Variants in SSH2 observed in about 807,000 individuals in gnomAD.
SSH2 encodes protein phosphatase Slingshot homolog 2.
Under a neutral mutation model 135.2 loss-of-function variants are expected in SSH2, and 37 were observed. The observed-to-expected ratio is 0.27, with a 90% CI of 0.21 to 0.36. The LOEUF is 0.36. Ranked by LOEUF, SSH2 falls within the 10% of genes least tolerant of loss-of-function variation. The probability of loss-of-function intolerance (pLI) is 1.00; values close to 1 mark genes in which losing one functional copy is unlikely to be tolerated. For synonymous variants in SSH2, 628 were observed against 646.2 expected (o/e 0.97, Z 0.43); for missense variants, 1,408 against 1,765.3 (o/e 0.80, Z 3.63).
chr17:29,928,812 A>AT (rs932317179), intron 1 of SSH2, among the ~76,000 whole-genome samples: 3 of 150,848 alleles, frequency 2.0e-5, no homozygotes, highest in South Asian at 2.1e-4. Flanking sequence ...TAACCTGATG[A>AT]TTTTTTTACA....
At chr17:29,913,955 A>G (rs921807869) in intron 1 of SSH2, among the ~76,000 whole-genome samples, 6 of 152,118 alleles carry the variant, frequency 3.9e-5, no homozygotes, top group African/African-American at 1.4e-4. Context: ...TTTCTTACAT[A>G]GAAGTGGCAA....
At chr17:29,725,738 G>A (rs533524846) in intron 3 of SSH2, among the ~76,000 whole-genome samples, 23 of 152,280 alleles carry the variant, frequency 1.5e-4, no homozygotes, top group African/African-American at 5.1e-4. Flanking sequence ...TCACACACTG[G>A]GGCCTGTCGG....
chr17:29,699,655 C>T (rs1888582492), intron 4 of SSH2, among the ~76,000 whole-genome samples: 1 of 152,156 alleles, frequency 6.6e-6, no homozygotes, highest in South Asian at 2.1e-4. Context: ...CTTTAAAAGC[C>T]ACTGACCCCA....
chr17:29,789,166 C>T (rs1166831416), intron 3 of SSH2, among the ~76,000 whole-genome samples: 1 of 152,202 alleles, frequency 6.6e-6, no homozygotes, highest in Non-Finnish European at 1.5e-5. Flanking sequence ...AGTGGTTTGG[C>T]TCCTTCTGGC....
At chr17:29,737,256 A>T (rs2040404309) in intron 3 of SSH2, among the ~76,000 whole-genome samples, 1 of 152,118 alleles carries the variant, frequency 6.6e-6, no homozygotes, top group African/African-American at 2.4e-5. Context: ...TAAAATGTCT[A>T]CACTTCCGTT....
intron 6 of SSH2, among the ~76,000 whole-genome samples, chr17:29,680,353 T>C (rs1598785354): frequency 1.3e-5 from 2 of 151,508 alleles, no homozygotes; most frequent in East Asian, 3.9e-4. Flanking sequence ...AAGACCAGCC[T>C]GGCCAACATG....
chr17:29,742,943 A>G (rs1284381464), intron 3 of SSH2, among the ~76,000 whole-genome samples: 2 of 144,418 alleles, frequency 1.4e-5, no homozygotes, highest in Non-Finnish European at 3.0e-5. Context: ...CCTTCTTTTG[A>G]TTTTTTGAGA....
At chr17:29,807,666 T>C (rs1246921658) in intron 2 of SSH2, among the ~76,000 whole-genome samples, 1 of 152,116 alleles carries the variant, frequency 6.6e-6, no homozygotes, top group Non-Finnish European at 1.5e-5. Context: ...ATTTGACATC[T>C]TGGAGTGGCA....
intron 1 of SSH2, among the ~76,000 whole-genome samples, chr17:29,869,842 A>T (rs1460677484): frequency 1.3e-5 from 2 of 152,180 alleles, no homozygotes; most frequent in East Asian, 1.9e-4. Context: ...GTGCAGGCCC[A>T]GTTGAAATCA....
chr17:29,881,111 T>A (rs1006272724), intron 1 of SSH2, among the ~76,000 whole-genome samples: 1 of 152,246 alleles, frequency 6.6e-6, no homozygotes, highest in Non-Finnish European at 1.5e-5. Flanking sequence ...GTGCTCCTTA[T>A]ATATTCTAAA....
chr17:29,895,690 C>T (rs35921426), intron 1 of SSH2, among the ~76,000 whole-genome samples: 4 of 118,154 alleles, frequency 3.4e-5, no homozygotes, highest in Non-Finnish European at 3.3e-5. Flanking sequence ...ATTTTATATA[C>T]ACATTTTATA....
At chr17:29,710,413 T>G (rs2039391948) in intron 3 of SSH2, among the ~76,000 whole-genome samples, 1 of 152,200 alleles carries the variant, frequency 6.6e-6, no homozygotes, top group East Asian at 1.9e-4. Flanking sequence ...ACAAAGTGAG[T>G]TGGTTGGTAT....
chr17:29,768,289 A>AT (rs545565554), intron 3 of SSH2, among the ~76,000 whole-genome samples: 2,343 of 139,816 alleles, frequency 0.017, 38 homozygotes, highest in African/African-American at 0.037. Context: ...ATAAATGTAA[A>AT]TTTTTTTTTT....
chr17:29,902,512 C>T (rs2066575697), intron 1 of SSH2, among the ~76,000 whole-genome samples: 1 of 151,826 alleles, frequency 6.6e-6, no homozygotes, highest in African/African-American at 2.4e-5. Flanking sequence ...CCCTACCTAT[C>T]ATCTACTTTC....
In SSH2 at chr17:29,856,315, T is replaced by C. The variant is rs2065661667; in HGVS notation, c.64-7386A>G. On this transcript the variant is annotated intron_variant, in intron 1 of 15. Coordinates refer to ENST00000540801, the MANE Select transcript of SSH2 (RefSeq NM_001282129.2). ...GTATGTCACTGAAAAAGGAACAGTT[T>C]AGCAGGCTGATGAATAAGATCTAAG... 4 of 242,702 alleles carry C rather than the reference T, an allele frequency of 1.6e-5. No homozygotes were observed. The Admixed American group carries it at 2.3e-4, about 14-fold the overall frequency. The allele number at this position is 242,702 out of a possible 1,614,324, so 15.0% of individuals were successfully genotyped here.
intron 11 of SSH2, among the ~76,000 whole-genome samples, chr17:29,660,194 A>G (rs2036970740): frequency 6.6e-6 from 1 of 152,096 alleles, no homozygotes; most frequent in African/African-American, 2.4e-5. Context: ...ATTTAGCATT[A>G]GAAGACTTAG....
intron 1 of SSH2, among the ~76,000 whole-genome samples, chr17:29,871,904 AT>A (rs1312953870): frequency 1.3e-5 from 2 of 152,162 alleles, no homozygotes; most frequent in Non-Finnish European, 2.9e-5. Flanking sequence ...AATATTCCCT[AT>A]TTTTTCTTAT....
At chr17:29,811,776 A>G (rs1423876927) in intron 2 of SSH2, among the ~76,000 whole-genome samples, 1 of 152,094 alleles carries the variant, frequency 6.6e-6, no homozygotes, top group African/African-American at 2.4e-5. Flanking sequence ...TATGTTGTCT[A>G]GGCTGGTCTT....
intron 3 of SSH2, among the ~76,000 whole-genome samples, chr17:29,786,081 G>A (rs2041958426): frequency 6.6e-6 from 1 of 152,222 alleles, no homozygotes; most frequent in Admixed American, 6.5e-5. Flanking sequence ...TGGGATTACA[G>A]GCGTGAGCCG....
Sources: allele counts gnomAD v4.1 joint callset (sites outside exome capture counted in the v4.1 genomes callset), GRCh38; gene constraint gnomAD v4.1.1; transcripts MANE v1.5; gene names NCBI Gene and HGNC (gene_info 2026-07-23, HGNC 2026-07-21).